PIEZO2: variants seen among roughly 807,000 people sequenced by gnomAD.
PIEZO2 encodes piezo-type mechanosensitive ion channel component 2.
A neutral mutation model predicts 337.3 loss-of-function variants in PIEZO2; 172 were observed. The observed-to-expected ratio is 0.51, with a 90% CI of 0.45 to 0.58. The LOEUF (loss-of-function observed/expected upper bound fraction) is 0.58, where lower values mean the gene tolerates loss of function less well. Ranked by LOEUF, PIEZO2 falls within the 20% of genes least tolerant of loss-of-function variation. The pLI is 0.00. For synonymous variants in PIEZO2, 1,251 were observed against 1,228.5 expected (o/e 1.02, Z -0.38); for missense variants, 3,028 against 3,391.3 (o/e 0.89, Z 2.66).
chr18:10,675,084 T>A, intron 54 of PIEZO2, 125 bp downstream of exon 54: 1 of 599,460 alleles, frequency 1.7e-6, no homozygotes, highest in East Asian at 3.3e-5. Context: ...GGGTTTCATA[T>A]ATAGTCTGTC....
At chr18:10,792,124 C>A (rs1307907716) in intron 13 of PIEZO2, among the ~76,000 whole-genome samples, 3 of 151,976 alleles carry the variant, frequency 2.0e-5, no homozygotes, top group Non-Finnish European at 4.4e-5. Flanking sequence ...TTTTTGTATT[C>A]TTTTAGTAGA....
rs1411524576 is a variant in PIEZO2 at position 10,697,879 on chromosome 18, G to A, written c.6696C>T (p.Gly2232=). ...GACTGCTGTTTCGGGTGCTTGTGCT[G>A]CCTAGAAATAAAAAGAGATCATAAG... ...SSFSSNRSQR[G]STSTRNSSQK... Residue 2232 remains glycine (G), a splice_region_variant and synonymous_variant, in exon 45 of 56, where the codon GGC becomes GGT. Transcript: ENST00000674853. 1 of 1,608,480 alleles carries A rather than the reference G, an allele frequency of 6.2e-7. No homozygotes were observed.
At chr18:10,691,495 A>T (rs2034825455) in intron 47 of PIEZO2, 112 bp from the exon 48 acceptor site, 2 of 1,117,092 alleles carry the variant, frequency 1.8e-6, no homozygotes, top group African/African-American at 1.6e-5. Flanking sequence ...CATCATTCCA[A>T]CTCAATTCTA....
chr18:10,842,455 G>A (rs11877621), intron 7 of PIEZO2, among the ~76,000 whole-genome samples: 4 of 152,208 alleles, frequency 2.6e-5, no homozygotes, highest in Admixed American at 2.0e-4. Flanking sequence ...TCTATTACTT[G>A]CCTCGAGAGC....
chr18:11,113,254 G>A (rs1402324541), intron 1 of PIEZO2, among the ~76,000 whole-genome samples: 1 of 152,188 alleles, frequency 6.6e-6, no homozygotes, highest in African/African-American at 2.4e-5. Flanking sequence ...ACTCACAGAT[G>A]CACACCGTAT....
At chr18:10,686,093 C>A (rs1178419666) in intron 49 of PIEZO2, among the ~76,000 whole-genome samples, 1 of 152,188 alleles carries the variant, frequency 6.6e-6, no homozygotes, top group Non-Finnish European at 1.5e-5. Flanking sequence ...ATCCTCTGGG[C>A]TTGCTTCTCT....
Position 10,742,387 on chromosome 18 carries a change from T to A in PIEZO2, c.4636+107A>T, listed in dbSNP as rs1302405459. The stretch of plus-strand genomic sequence containing the variant: ...AAGCTCGCTGAATCAAAAAAGTGTA[T>A]CGATAATCTTGGCAGAATAAGAAGT... On this transcript the variant is annotated intron_variant, in intron 32 of 55. Transcript: ENST00000674853. 3 of 1,264,966 alleles carry A rather than the reference T, an allele frequency of 2.4e-6. No homozygotes were observed. In the African/African-American group the frequency reaches 4.5e-5, roughly 19 times the overall value. The allele number at this position is 1,264,966 out of a possible 1,614,324, so 78.4% of individuals were successfully genotyped here. A position where few individuals can be genotyped will look rare whatever the true frequency, so the allele number is the denominator to read the frequency against.
In PIEZO2 at chr18:10,877,792, G is replaced by A. The variant is rs574463278; in HGVS notation, c.330-6377C>T. ...ATAAAGCTGATCATGTCAACCCCAC[G>A]GCCCCCAGGAAACATCCACATTCCT... is the stretch of plus-strand genomic sequence containing the variant. On this transcript the variant is annotated intron_variant, in intron 4 of 55. Coordinates refer to ENST00000674853, the MANE Select transcript of PIEZO2 (RefSeq NM_001378183.1). This position sits in a 1 kb window ranked among gnomAD's most constrained non-coding sequence, Gnocchi z 5.3. 1.1e-3 allele frequency among the ~76,000 whole-genome samples: 166 copies of A among 152,100 alleles called. No individual in the cohort carries two copies. The highest frequency in any genetic ancestry group is 3.9e-3 in the African/African-American group (160 of 41,506).
chr18:10,961,383 A>G (rs1018132536), intron 3 of PIEZO2, among the ~76,000 whole-genome samples: 14 of 128,758 alleles, frequency 1.1e-4, no homozygotes, highest in African/African-American at 4.3e-4. Flanking sequence ...AGGCATAAGA[A>G]TGATACAATG....
In PIEZO2 at chr18:10,724,762, G is replaced by A. The variant is rs550853960; in HGVS notation, c.5030-6503C>T. 2.0e-4 allele frequency: 305 copies of A among 1,562,490 alleles called. 1 individual carries two copies. In the South Asian group the frequency reaches 3.4e-3, roughly 17 times the overall value. On this transcript the variant is annotated intron_variant, in intron 36 of 55. Coordinates refer to ENST00000674853, the MANE Select transcript of PIEZO2 (RefSeq NM_001378183.1). This position sits in a 1 kb window ranked among gnomAD's most constrained non-coding sequence, Gnocchi z 5.8. ...CTGGTCTCAGTCCCTGGCCTTGCCC[G>A]TGGCTCTGGCAGTCCCCCCAGCACT...
intron 2 of PIEZO2, among the ~76,000 whole-genome samples, chr18:11,018,258 G>A (rs2145698007): frequency 6.7e-6 from 1 of 149,942 alleles, no homozygotes; most frequent in South Asian, 2.1e-4. Flanking sequence ...CTCTTCTTAA[G>A]ACACAGGCAT....
Position 10,759,955 on chromosome 18 carries a change from G to A in PIEZO2, c.3451-46C>T, listed in dbSNP as rs182113058. 4.0e-6 allele frequency: 6 copies of A among 1,498,814 alleles called. No individual in the cohort carries two copies. In the African/African-American group the frequency reaches 8.3e-5, roughly 21 times the overall value. The allele number at this position is 1,498,814 out of a possible 1,614,324, so 92.8% of individuals were successfully genotyped here. A position where few individuals can be genotyped will look rare whatever the true frequency, so the allele number is the denominator to read the frequency against. ...GCAAAAAAAAAAAATCAGGCATATG[G>A]GAAAGGGGACTGGTGATAGGTGTCA... On this transcript the variant is annotated intron_variant, in intron 24 of 55. Coordinates refer to ENST00000674853, the MANE Select transcript of PIEZO2 (RefSeq NM_001378183.1). This position sits in a 1 kb window ranked among gnomAD's most constrained non-coding sequence, Gnocchi z 5.5.
At chr18:10,930,817 A>G (rs960205533) in intron 3 of PIEZO2, among the ~76,000 whole-genome samples, 2 of 152,208 alleles carry the variant, frequency 1.3e-5, no homozygotes, top group Non-Finnish European at 1.5e-5. Flanking sequence ...CTTAAAGTCA[A>G]ATGTGTCTTA....
intron 22 of PIEZO2, 103 bp downstream of exon 22, chr18:10,762,819 A>C: frequency 7.2e-7 from 1 of 1,392,922 alleles, no homozygotes; most frequent in Admixed American, 2.4e-5. Context: ...GGTGACTTAC[A>C]AGCCAGGTCA....
At chr18:10,931,479 G>A (rs1598709345) in intron 3 of PIEZO2, among the ~76,000 whole-genome samples, 3 of 152,140 alleles carry the variant, frequency 2.0e-5, no homozygotes, top group Admixed American at 6.5e-5. Flanking sequence ...GATTACAGGC[G>A]TGAGCCACCA....
In PIEZO2 at chr18:11,148,853, G is replaced by A. The variant is rs2040878405; in HGVS notation, c.-265C>T. 4 of 423,268 alleles carry A rather than the reference G, an allele frequency of 9.5e-6. No individual in the cohort carries two copies. The South Asian group carries it at 2.0e-4, about 21-fold the overall frequency. The allele number at this position is 423,268 out of a possible 1,614,324, so 26.2% of individuals were successfully genotyped here. A position where few individuals can be genotyped will look rare whatever the true frequency, so the allele number is the denominator to read the frequency against. On this transcript the variant is annotated 5_prime_UTR_variant, in exon 1 of 56. Coordinates refer to ENST00000674853, the MANE Select transcript of PIEZO2 (RefSeq NM_001378183.1). This position sits in a 1 kb window ranked among gnomAD's most constrained non-coding sequence, Gnocchi z 5.2. ...CCCGGCGCCCGGCCCCCTGCGGCCG[G>A]CCCATTTAGTGTGAATCCTGGATCC...
At chr18:10,741,768 T>C (rs571236283) in intron 32 of PIEZO2, among the ~76,000 whole-genome samples, 1 of 152,320 alleles carries the variant, frequency 6.6e-6, no homozygotes, top group East Asian at 1.9e-4. Flanking sequence ...AGGTGCCACA[T>C]AAAATACACA....
In PIEZO2 at chr18:10,726,008, A is replaced by T. The variant is rs1425728122; in HGVS notation, c.5029+5399T>A. Among the ~76,000 whole-genome samples the T allele has an allele frequency of 2.6e-5, 4 of 152,142 alleles. No homozygotes were observed. Among genetic ancestry groups the T allele is most frequent in the African/African-American group, 9.7e-5 (4 of 41,440 alleles). The stretch of plus-strand genomic sequence containing the variant: ...GGTTTTTACCGAAGGCATCAGCGTG[A>T]CTGTTCAGAATAATATGGGCACCCA... On this transcript the variant is annotated intron_variant, in intron 36 of 55. Coordinates refer to ENST00000674853, the MANE Select transcript of PIEZO2 (RefSeq NM_001378183.1). The surrounding 1 kb of genome is among the most constrained non-coding windows in gnomAD (Gnocchi z 5.9).
intron 16 of PIEZO2, among the ~76,000 whole-genome samples, chr18:10,786,567 T>C (rs1376146393): frequency 2.0e-5 from 3 of 152,184 alleles, no homozygotes; most frequent in Non-Finnish European, 4.4e-5. Flanking sequence ...GAGCACTATC[T>C]CCCACATGCA....
Sources: gnomAD v4.1 joint callset for allele counts (sites outside exome capture counted in the v4.1 genomes callset) on GRCh38, gnomAD v4.1.1 for gene constraint, Gnocchi (gnomAD v3.1) non-coding constraint, MANE v1.5 for transcripts, NCBI Gene and HGNC (gene_info 2026-07-23, HGNC 2026-07-21) for gene names.